The following UMOD variants were observed in gnomAD, a reference collection of about 807,000 sequenced individuals.
UMOD encodes Tamm-Horsfall urinary glycoprotein.
Under a neutral mutation model 66.0 loss-of-function variants are expected in UMOD, and 64 were observed. The observed-to-expected ratio is 0.97, with a 90% CI of 0.79 to 1.19. The LOEUF (loss-of-function observed/expected upper bound fraction) is 1.19, where lower values mean the gene tolerates loss of function less well. Ranked by LOEUF, UMOD falls within the 50% of genes most tolerant of loss-of-function variation. The pLI is 0.00. For missense variants in UMOD, 764 were observed against 850.9 expected, an observed-to-expected ratio of 0.90 and a Z score of 1.27; for synonymous variants, 398 against 352.7, an observed-to-expected ratio of 1.13 and a Z score of -1.44.
At chr16:20,351,973 G>A (rs1049946355) in intron 1 of UMOD, among the ~76,000 whole-genome samples, 13 of 149,396 alleles carry the variant, frequency 8.7e-5, no homozygotes, top group African/African-American at 3.0e-4. Context: ...AGCTGAGATC[G>A]TGCCACTGCA....
Position 20,348,521 on chromosome 16 carries a change from C to T in UMOD, c.780G>A (p.Ala260=), listed in dbSNP as rs1339120246. 2 of 1,606,820 alleles carry T rather than the reference C, an allele frequency of 1.2e-6. No individual in the cohort carries two copies. The highest frequency in any genetic ancestry group is 1.3e-5 in the African/African-American group (1 of 74,918). The change falls in exon 3 of 11, where the codon GCG becomes GCA. Residue 260 remains alanine, a synonymous_variant. Coordinates refer to ENST00000396138, the MANE Select transcript of UMOD (RefSeq NM_003361.4). ...HWSGHCCLWD[A]SVQVKACAGG... is the part of the protein sequence containing the mutation. ...CGGCACAGGCCTTCACCTGGACGGA[C>T]GCATCCCACAGGCAGCAGTGGCCGC... is the stretch of plus-strand genomic sequence containing the variant.
chr16:20,345,418 T>TTCTTTCTTTC (rs1261110643), intron 5 of UMOD, among the ~76,000 whole-genome samples: 1 of 97,994 alleles, frequency 1.0e-5, no homozygotes, highest in Non-Finnish European at 2.0e-5. Context: ...CTTTCTTTCT[T>TTCTTTCTTTC]TCTTTCTTTC....
intron 4 of UMOD, among the ~76,000 whole-genome samples, chr16:20,346,855 A>G (rs1965611236): frequency 6.6e-6 from 1 of 150,502 alleles, no homozygotes; most frequent in Non-Finnish European, 1.5e-5. Flanking sequence ...GTACCCTAGA[A>G]CGTGAAGTAT....
chr16:20,341,236 T>A lies in UMOD; in HGVS notation c.1432A>T (p.Thr478Ser). The A allele has an allele frequency of 6.2e-7, 1 of 1,614,040 alleles. No individual in the cohort carries two copies. The highest frequency in any genetic ancestry group is 1.1e-5 in the South Asian group (1 of 91,072). ...YTQPYQGSSV[T>S]LSTEAFLYVG... ...TAGAGAAAAGCCTCAGTGGACAGTG[T>A]CACGGAGGAGCCTTGGTAGGGCTGC... The change falls in exon 7 of 11, where the codon ACA (threonine) becomes TCA (serine). Residue 478 changes from threonine (T) to serine (S), a missense_variant. Transcript: ENST00000396138.
At chr16:20,349,711 G>C (rs1198587919) in intron 2 of UMOD, 2 of 1,508,694 alleles carry the variant, frequency 1.3e-6, no homozygotes, top group Non-Finnish European at 1.8e-6. Context: ...CCTATACTTT[G>C]GTAGGATTTA....
intron 7 of UMOD, 58 bp downstream of exon 7, chr16:20,341,033 T>A: frequency 6.7e-7 from 1 of 1,500,888 alleles, no homozygotes; most frequent in Non-Finnish European, 9.2e-7. Flanking sequence ...TCCATCCAAG[T>A]CCAAAGACCC....
upstream of UMOD, among the ~76,000 whole-genome samples, chr16:20,355,598 A>G (rs1267132326): frequency 6.6e-6 from 1 of 151,058 alleles, no homozygotes; most frequent in African/African-American, 2.4e-5. Flanking sequence ...TTTTTTTTGT[A>G]CACATTGGCC....
intron 1 of UMOD, 158 bp from the exon 2 acceptor site, chr16:20,350,997 C>G (rs1332050739): frequency 4.9e-6 from 3 of 611,960 alleles, no homozygotes; most frequent in South Asian, 1.9e-5. Flanking sequence ...TGGGACTTTA[C>G]CCCTTGTACT....
intron 2 of UMOD, chr16:20,349,977 A>G (rs1298806028): frequency 3.2e-6 from 4 of 1,265,330 alleles, no homozygotes; most frequent in African/African-American, 1.5e-5. Flanking sequence ...ATCTTGTTGA[A>G]TACTTCCCAA....
chr16:20,335,127 A>G (rs1964802069), intron 10 of UMOD, among the ~76,000 whole-genome samples: 1 of 152,080 alleles, frequency 6.6e-6, no homozygotes, highest in African/African-American at 2.4e-5. Context: ...CGCCTGGCCT[A>G]TTTGTCACCT....
chr16:20,335,369 G>A (rs1329080234), intron 10 of UMOD, 113 bp downstream of exon 10: 1 of 1,101,238 alleles, frequency 9.1e-7, no homozygotes, highest in Non-Finnish European at 1.4e-6. Context: ...TTAGAAAACG[G>A]AACTAGTAAC....
intron 6 of UMOD, among the ~76,000 whole-genome samples, chr16:20,341,835 C>G (rs1965240757): frequency 6.6e-6 from 1 of 152,218 alleles, no homozygotes; most frequent in Non-Finnish European, 1.5e-5. Flanking sequence ...GTACTAACAT[C>G]TATATCAGAA....
At chr16:20,339,112 C>T (rs1233593877) in intron 7 of UMOD, among the ~76,000 whole-genome samples, 1 of 152,188 alleles carries the variant, frequency 6.6e-6, no homozygotes, top group East Asian at 1.9e-4. Flanking sequence ...ATTATTTATC[C>T]CCATTTACGT....
At chr16:20,345,400 T>TCTTTCTTTC (rs1965490852) in intron 5 of UMOD, among the ~76,000 whole-genome samples, 2 of 77,960 alleles carry the variant, frequency 2.6e-5, no homozygotes, top group Non-Finnish European at 5.9e-5. Flanking sequence ...TTTTCTTTTT[T>TCTTTCTTTC]TTTCTTTCTT....
chr16:20,341,378 C>T, intron 6 of UMOD, 42 bp from the exon 7 acceptor site: 1 of 1,608,638 alleles, frequency 6.2e-7, no homozygotes, highest in Non-Finnish European at 8.5e-7. Context: ...GGGCTGAGAA[C>T]ATCTGCAGAT....
At chr16:20,349,642 T>C in intron 2 of UMOD, 1 of 1,437,912 alleles carries the variant, frequency 7.0e-7, no homozygotes, top group Non-Finnish European at 9.1e-7. Context: ...GTGTTAAGCA[T>C]TGCTTTCAAG....
At position 20,337,283 on chromosome 16, in the gene UMOD, C is replaced by G. The variant is rs768909078; in HGVS notation, c.1740+8G>C. 3.1e-6 allele frequency: 5 copies of G among 1,614,140 alleles called. No individual in the cohort carries two copies. Among genetic ancestry groups the G allele is most frequent in the Non-Finnish European group, 3.4e-6 (4 of 1,180,028 alleles). On this transcript the variant is annotated splice_region_variant and intron_variant, in intron 8 of 10. Coordinates refer to ENST00000396138, the MANE Select transcript of UMOD (RefSeq NM_003361.4). ...AAGAGATGGGCTGGGGGAGGGGAGT[C>G]AACTCACAGGCTTGCACTTTTCATT...
upstream of UMOD, among the ~76,000 whole-genome samples, chr16:20,355,732 G>C (rs933665972): frequency 1.3e-5 from 2 of 152,080 alleles, no homozygotes; most frequent in African/African-American, 4.8e-5. Context: ...TTTCAAACAT[G>C]GGTAGGAGAC....
upstream of UMOD, among the ~76,000 whole-genome samples, chr16:20,353,533 T>G (rs907562348): frequency 2.6e-5 from 4 of 152,110 alleles, no homozygotes; most frequent in Non-Finnish European, 4.4e-5. Flanking sequence ...TAAAGTCATA[T>G]AGTAATGATT....
Sources: gnomAD v4.1 joint callset for allele counts (sites outside exome capture counted in the v4.1 genomes callset) on GRCh38, gnomAD v4.1.1 for gene constraint, MANE v1.5 for transcripts, NCBI Gene and HGNC (gene_info 2026-07-23, HGNC 2026-07-21) for gene names.